ZFAND3: variants seen among roughly 807,000 people sequenced by gnomAD.
ZFAND3 encodes the protein AN1-type zinc finger protein 3.
ZFAND3 carries 10 observed loss-of-function variants against 29.6 expected under a neutral mutation model. The observed-to-expected ratio is 0.34, with a 90% CI of 0.21 to 0.57. The LOEUF (loss-of-function observed/expected upper bound fraction) is 0.57. Ranked by LOEUF, ZFAND3 falls within the 20% of genes least tolerant of loss-of-function variation. The probability of loss-of-function intolerance (pLI) is 0.86; values close to 1 mark genes in which losing one functional copy is unlikely to be tolerated. For missense variants in ZFAND3, 230 were observed against 304.5 expected, an observed-to-expected ratio of 0.76 and a Z score of 1.82; for synonymous variants, 128 against 112.6, an observed-to-expected ratio of 1.14 and a Z score of -0.87.
chr6:37,900,716 A>AT (rs1765304279), intron 1 of ZFAND3, among the ~76,000 whole-genome samples: 1 of 152,206 alleles, frequency 6.6e-6, no homozygotes, highest in Non-Finnish European at 1.5e-5. Flanking sequence ...CTATGGAAAT[A>AT]TATCAGTAAA....
intron 5 of ZFAND3, among the ~76,000 whole-genome samples, chr6:38,151,554 G>C (rs528725293): frequency 4.7e-5 from 7 of 150,052 alleles, no homozygotes; most frequent in Admixed American, 1.3e-4. Context: ...GTGGAGGGAA[G>C]GACAGCTGGG....
chr6:38,091,855 A>C (rs1216057474), intron 4 of ZFAND3, among the ~76,000 whole-genome samples: 2 of 152,152 alleles, frequency 1.3e-5, no homozygotes, highest in East Asian at 3.9e-4. Flanking sequence ...AATTATAAAC[A>C]GGATAAAGTG....
At chr6:38,064,069 T>G (rs1226267025) in intron 3 of ZFAND3, among the ~76,000 whole-genome samples, 1 of 152,178 alleles carries the variant, frequency 6.6e-6, no homozygotes, top group Non-Finnish European at 1.5e-5. Flanking sequence ...AGCTGTGGCC[T>G]CTTGTCCTAG....
intron 4 of ZFAND3, among the ~76,000 whole-genome samples, chr6:38,101,244 CT>C: frequency 6.6e-6 from 1 of 152,104 alleles, no homozygotes; most frequent in East Asian, 1.9e-4. Flanking sequence ...ATGGAGTTCT[CT>C]TTTTTTATAT....
intron 2 of ZFAND3, among the ~76,000 whole-genome samples, chr6:37,986,797 TCC>T (rs930083313): frequency 2.0e-5 from 3 of 152,120 alleles, no homozygotes; most frequent in African/African-American, 7.2e-5. Context: ...GAGCATATTT[TCC>T]CCTCATTAAG....
At chr6:37,939,487 T>A (rs1761772872) in intron 2 of ZFAND3, among the ~76,000 whole-genome samples, 1 of 152,334 alleles carries the variant, frequency 6.6e-6, no homozygotes, top group South Asian at 2.1e-4. Context: ...AGAAGCTTTT[T>A]TTCCCAAAAT....
At chr6:38,040,661 T>A (rs1330884274) in intron 2 of ZFAND3, among the ~76,000 whole-genome samples, 1 of 152,184 alleles carries the variant, frequency 6.6e-6, no homozygotes, top group Non-Finnish European at 1.5e-5. Context: ...ATTCGGGAGT[T>A]GTTTATGTTT....
intron 4 of ZFAND3, among the ~76,000 whole-genome samples, chr6:38,107,425 C>T (rs746723050): frequency 1.3e-5 from 2 of 152,236 alleles, no homozygotes; most frequent in Non-Finnish European, 2.9e-5. Context: ...ACCTTCCCTT[C>T]ACCTTCTTTA....
Position 37,819,849 on chromosome 6 carries a change from AG to A in ZFAND3, c.-96del, listed in dbSNP as rs1246685410. 59 of 343,062 alleles carry A rather than the reference AG, an allele frequency of 1.7e-4. No individual in the cohort carries two copies. The highest frequency in any genetic ancestry group is 1.0e-3 in the Middle Eastern group (1 of 980). The allele number at this position is 343,062 out of a possible 1,614,324, so 21.3% of individuals were successfully genotyped here. On this transcript the variant is annotated 5_prime_UTR_variant, in exon 1 of 6. Coordinates refer to ENST00000287218, the MANE Select transcript of ZFAND3 (RefSeq NM_021943.3). The stretch of plus-strand genomic sequence containing the variant: ...GCTCCTTCCCCCTCCCCCCGCCCCG[AG>A]CCCCCCGACGCCGCCGCCACCGCCT...
At chr6:37,977,520 C>T (rs560421109) in intron 2 of ZFAND3, among the ~76,000 whole-genome samples, 5 of 152,220 alleles carry the variant, frequency 3.3e-5, no homozygotes, top group Admixed American at 2.6e-4. Context: ...CCAGGCTGGT[C>T]TTGAACTCCT....
At position 38,037,361 on chromosome 6, in the gene ZFAND3, T is replaced by C. The variant is rs193096755; in HGVS notation, c.113-24232T>C. Among the ~76,000 whole-genome samples the C allele has an allele frequency of 1.8e-4, 27 of 152,352 alleles. No individual in the cohort carries two copies. The East Asian group carries it at 5.0e-3, about 28-fold the overall frequency. On this transcript the variant is annotated intron_variant, in intron 2 of 5. Coordinates refer to ENST00000287218, the MANE Select transcript of ZFAND3 (RefSeq NM_021943.3). ...CAGCAGTTCAGTAGAACAGAATTTC[T>C]GGAAAGGGTAGTTGAGTTGTAAATT...
At chr6:38,078,980 C>T (rs1295266143) in intron 3 of ZFAND3, among the ~76,000 whole-genome samples, 2 of 152,124 alleles carry the variant, frequency 1.3e-5, no homozygotes, top group African/African-American at 4.8e-5. Context: ...CAAATGTTAC[C>T]CATGTTATAT....
chr6:37,869,082 A>C (rs1333918531), intron 1 of ZFAND3, among the ~76,000 whole-genome samples: 1 of 152,206 alleles, frequency 6.6e-6, no homozygotes, highest in East Asian at 1.9e-4. Flanking sequence ...CATTTTGCCT[A>C]AGTTGTCAGA....
intron 2 of ZFAND3, among the ~76,000 whole-genome samples, chr6:38,014,029 T>G (rs1763209346): frequency 6.6e-6 from 1 of 152,168 alleles, no homozygotes; most frequent in Non-Finnish European, 1.5e-5. Context: ...CCCAGGTATT[T>G]ATTGTTAAAG....
Position 37,954,869 on chromosome 6 carries a change from A to G in ZFAND3, c.112+24870A>G, listed in dbSNP as rs148916242. 1.5e-3 allele frequency among the ~76,000 whole-genome samples: 230 copies of G among 152,338 alleles called. 1 individual carries two copies. Among genetic ancestry groups the G allele is most frequent in the African/African-American group, 5.4e-3 (223 of 41,572 alleles). On this transcript the variant is annotated intron_variant, in intron 2 of 5. Coordinates refer to ENST00000287218, the MANE Select transcript of ZFAND3 (RefSeq NM_021943.3). ...TGAGGCAAGATGTCTCCTGTACTCA[A>G]CAGTGTCCCATGAATTGAGAGTTTC...
intron 2 of ZFAND3, among the ~76,000 whole-genome samples, chr6:38,000,292 G>C (rs1346351103): frequency 6.6e-6 from 1 of 152,134 alleles, no homozygotes; most frequent in Non-Finnish European, 1.5e-5. Flanking sequence ...CTGAAATTGA[G>C]AAACTGTATT....
At chr6:38,094,735 T>C (rs1039051879) in intron 4 of ZFAND3, among the ~76,000 whole-genome samples, 1 of 152,214 alleles carries the variant, frequency 6.6e-6, no homozygotes, top group Non-Finnish European at 1.5e-5. Context: ...TACTTATTCA[T>C]CATATCTTCG....
chr6:37,899,991 A>G (rs752606720), intron 1 of ZFAND3, among the ~76,000 whole-genome samples: 3 of 152,174 alleles, frequency 2.0e-5, no homozygotes, highest in African/African-American at 7.2e-5. Context: ...ATAACAGTGT[A>G]TGTAGAATTA....
At chr6:38,050,938 G>C (rs890765328) in intron 2 of ZFAND3, among the ~76,000 whole-genome samples, 2 of 152,126 alleles carry the variant, frequency 1.3e-5, no homozygotes, top group African/African-American at 4.8e-5. Flanking sequence ...CTTAAATGAA[G>C]GAGACCTGAA....
Sources: gnomAD v4.1 joint callset for allele counts (sites outside exome capture counted in the v4.1 genomes callset) on GRCh38, gnomAD v4.1.1 for gene constraint, MANE v1.5 for transcripts, NCBI Gene and HGNC (gene_info 2026-07-23, HGNC 2026-07-21) for gene names.